Variants in CELSR2 observed in about 807,000 individuals in gnomAD.
CELSR2 encodes the protein cadherin EGF LAG seven-pass G-type receptor 2, also known as EGF-like protein 2.
Under a neutral mutation model 251.6 loss-of-function variants are expected in CELSR2, and 81 were observed. The ratio of observed to expected loss-of-function variants is 0.32; its 90% confidence interval spans 0.27 to 0.39. CELSR2 has a LOEUF of 0.39. Among genes scored for constraint, CELSR2 ranks in the 10% least tolerant of loss-of-function variants. The pLI, the probability that CELSR2 is intolerant of heterozygous loss-of-function variation, is 1.00. For synonymous variants in CELSR2, 1,721 were observed against 1,670.5 expected, an observed-to-expected ratio of 1.03 and a Z score of -0.74; for missense variants, 3,365 against 3,947.7, an observed-to-expected ratio of 0.85 and a Z score of 3.96.
At position 109,262,862 on chromosome 1, in the gene CELSR2, G is replaced by A. The variant is rs759739883; in HGVS notation, c.4601G>A (p.Ser1534Asn). The A allele has an allele frequency of 9.3e-6, 15 of 1,613,688 alleles. No homozygotes were observed. The African/African-American group carries it at 1.7e-4, about 19-fold the overall frequency. Reference protein sequence around the residue: ...LLGGVPDLPESFPVRMRQFVG... With the variant: ...LLGGVPDLPENFPVRMRQFVG... ...GGCGGGGTGCCTGACCTGCCCGAGAGCTTCCCAGTCCGAATGCGGCAGTTC... is the reference window on the plus strand; with the variant it reads ...GGCGGGGTGCCTGACCTGCCCGAGAACTTCCCAGTCCGAATGCGGCAGTTC... The change falls in exon 7 of 34, where the codon AGC (serine) becomes AAC (asparagine). Residue 1534 changes from serine (S) to asparagine (N), a missense_variant. Around this residue, in one of 5 missense-constraint regions of CELSR2, gnomAD observed 2,093 missense variants for 2,382.8 expected, o/e 0.88. Transcript: ENST00000271332.
At chr1:109,265,605 T>C (rs967389337) in intron 13 of CELSR2, 130 bp from the exon 14 acceptor site, 25 of 1,138,980 alleles carry the variant, frequency 2.2e-5, no homozygotes, top group Non-Finnish European at 3.1e-5. Context: ...TAGTGTTAAT[T>C]ATTTTGAATA....
intron 2 of CELSR2, among the ~76,000 whole-genome samples, chr1:109,259,892 C>T (rs1051385132): frequency 9.9e-5 from 15 of 152,150 alleles, no homozygotes; most frequent in Non-Finnish European, 1.8e-4. Context: ...CTCTATGCTC[C>T]TGACCCCTCC....
chr1:109,272,544 A>AC lies in CELSR2; in HGVS notation c.8055-93dup. On this transcript the variant is annotated intron_variant, in intron 29 of 33. Coordinates refer to ENST00000271332, the MANE Select transcript of CELSR2 (RefSeq NM_001408.3). ...CAGCTTGGATTAGAAGCTGTAAGGG[A>AC]CCCACAGCAGGAACCAGGATCCCAG... 3 of 1,484,982 alleles carry AC rather than the reference A, an allele frequency of 2.0e-6. No individual in the cohort carries two copies. The African/African-American group carries it at 4.2e-5, about 21-fold the overall frequency. The allele number at this position is 1,484,982 out of a possible 1,614,324, so 92.0% of individuals were successfully genotyped here. A position where few individuals can be genotyped will look rare whatever the true frequency, so the allele number is the denominator to read the frequency against.
In CELSR2 at chr1:109,250,560, A is replaced by G. The variant is rs113409073; in HGVS notation, c.481A>G (p.Arg161Gly). Residue 161 changes from arginine to glycine, a missense_variant, in exon 1 of 34, where the codon AGG becomes GGG. Coordinates refer to ENST00000271332, the MANE Select transcript of CELSR2 (RefSeq NM_001408.3). This position sits in a 1 kb window ranked among gnomAD's most constrained non-coding sequence, Gnocchi z 4.4. Reference protein sequence around the residue: ...AQAPGLRAGERSPEESLGGRR... With the variant: ...AQAPGLRAGEGSPEESLGGRR... ...GGCCCCCGGGCTCAGGGCAGGGGAAAGGTCACCAGAAGAGTCCCTGGGTGG... is the reference window on the plus strand; with the variant it reads ...GGCCCCCGGGCTCAGGGCAGGGGAAGGGTCACCAGAAGAGTCCCTGGGTGG... 38 of 1,613,902 alleles carry G rather than the reference A, an allele frequency of 2.4e-5. No individual in the cohort carries two copies. Among genetic ancestry groups the G allele is most frequent in the Non-Finnish European group, 3.1e-5 (36 of 1,180,018 alleles).
rs143261722 is a variant in CELSR2 at position 109,262,908 on chromosome 1, G to T, written c.4647G>T (p.Leu1549=). The change falls in exon 7 of 34, where the codon CTG becomes CTT. Residue 1549 remains leucine, a synonymous_variant. Coordinates refer to ENST00000271332, the MANE Select transcript of CELSR2 (RefSeq NM_001408.3). Reference sequence around the variant, plus strand: ...AGTTCGTGGGCTGCATGCGGAACCTGCAGGTGGACAGCCGGCACATAGACA... The same window carrying T: ...AGTTCGTGGGCTGCATGCGGAACCTTCAGGTGGACAGCCGGCACATAGACA... ...MRQFVGCMRN[L]QVDSRHIDMA... is the part of the protein sequence containing the mutation. The T allele has an allele frequency of 1.3e-4, 209 of 1,613,726 alleles. 1 individual carries two copies. In the African/African-American group the frequency reaches 2.5e-3, roughly 19 times the overall value.
Position 109,252,034 on chromosome 1 carries a change from C to T in CELSR2, c.1955C>T (p.Thr652Ile), listed in dbSNP as rs758077495. Residue 652 changes from threonine (T) to isoleucine (I), a missense_variant, in exon 1 of 34, where the codon ACT becomes ATT. By Grantham distance (89) the Thr-to-Ile change is moderately conservative. This residue lies in a region of CELSR2 where 60 missense variants were observed against 104.8 expected (regional missense o/e 0.57). Transcript: ENST00000271332. The surrounding 1 kb of genome is among the most constrained non-coding windows in gnomAD (Gnocchi z 4.8). ...VITYQITSGNTRNRFSITSQS... is the reference protein window; with the variant it reads ...VITYQITSGNIRNRFSITSQS... ...ACCTACCAGATCACCAGTGGCAATA[C>T]TCGAAACCGCTTCTCCATCACCAGC... 8.0e-5 allele frequency: 129 copies of T among 1,614,008 alleles called. No individual in the cohort carries two copies. The highest frequency in any genetic ancestry group is 9.6e-5 in the Non-Finnish European group (113 of 1,180,042).
chr1:109,273,692 G>GTT, intron 33 of CELSR2, 22 bp downstream of exon 33: 1 of 1,391,320 alleles, frequency 7.2e-7, no homozygotes, highest in Non-Finnish European at 9.6e-7. Context: ...CGGGTGGGCG[G>GTT]GACGGGGTGC....
rs1656289796 is a variant in CELSR2, at chr1:109,269,094, C to G, written c.6632-16C>G. 6.3e-7 allele frequency: 1 copy of G among 1,597,930 alleles called. No individual in the cohort carries two copies. Among genetic ancestry groups the G allele is most frequent in the African/African-American group, 1.3e-5 (1 of 74,496 alleles). ...GAGAGCAGGGCCCAGCTAAGTGTGA[C>G]AGTGTCCCCTCCCAGAGACGCCCCC... is the stretch of plus-strand genomic sequence containing the variant. On this transcript the variant is annotated splice_polypyrimidine_tract_variant and intron_variant, in intron 19 of 33. Transcript: ENST00000271332. This position sits in a 1 kb window ranked among gnomAD's most constrained non-coding sequence, Gnocchi z 6.4.
intron 2 of CELSR2, among the ~76,000 whole-genome samples, chr1:109,259,586 G>A (rs936178640): frequency 1.3e-5 from 2 of 152,304 alleles, no homozygotes; most frequent in Admixed American, 6.5e-5. Flanking sequence ...TTAGAGGTGA[G>A]GCTGGGCCTA....
Position 109,250,779 on chromosome 1 carries a change from C to T in CELSR2, c.700C>T (p.Leu234=). Residue 234 remains leucine (L), a synonymous_variant, in exon 1 of 34, where the codon CTG becomes TTG. Coordinates refer to ENST00000271332, the MANE Select transcript of CELSR2 (RefSeq NM_001408.3). The surrounding 1 kb of genome is among the most constrained non-coding windows in gnomAD (Gnocchi z 4.4). ...FDSRSNQFFS[L]DPVTGAVTTA... ...TAGCCGCTCCAACCAGTTCTTCTCC[C>T]TGGACCCAGTCACTGGTGCAGTAAC... The T allele has an allele frequency of 6.2e-7, 1 of 1,614,150 alleles. No homozygotes were observed. The highest frequency in any genetic ancestry group is 8.5e-7 in the Non-Finnish European group (1 of 1,180,030).
Position 109,252,622 on chromosome 1 carries a change from G to T in CELSR2, c.2543G>T (p.Gly848Val). 1.2e-6 allele frequency: 2 copies of T among 1,613,838 alleles called. No homozygotes were observed. Among genetic ancestry groups the T allele is most frequent in the South Asian group, 1.1e-5 (1 of 91,086 alleles). The change falls in exon 1 of 34, where the codon GGC (glycine) becomes GTC (valine). Residue 848 changes from glycine (G) to valine (V), a missense_variant. Coordinates refer to ENST00000271332, the MANE Select transcript of CELSR2 (RefSeq NM_001408.3). This position sits in a 1 kb window ranked among gnomAD's most constrained non-coding sequence, Gnocchi z 4.8. Reference sequence around the variant, plus strand: ...ACTGATCGTGATTCTGGACTTAATGGCAGGGTCTTCTACACCTTCCAAGGA... The same window carrying T: ...ACTGATCGTGATTCTGGACTTAATGTCAGGGTCTTCTACACCTTCCAAGGA... ...SATDRDSGLN[G>V]RVFYTFQGGD...
chr1:109,273,465 A>G lies in CELSR2; in HGVS notation c.8539A>G (p.Ile2847Val). ...GILKKKCLPT[I>V]SEKSSLLRLP... Reference sequence around the variant, plus strand: ...CCTTAAGAAGAAGTGTCTGCCCACCATCAGCGAGAAGAGCAGCCTCCTGCG... The same window carrying G: ...CCTTAAGAAGAAGTGTCTGCCCACCGTCAGCGAGAAGAGCAGCCTCCTGCG... Residue 2847 changes from isoleucine to valine, a missense_variant, in exon 33 of 34, where the codon ATC becomes GTC. Ile to Val is a conservative substitution (Grantham distance 29). Transcript: ENST00000271332. 1 of 1,612,430 alleles carries G rather than the reference A, an allele frequency of 6.2e-7. No individual in the cohort carries two copies. The highest frequency in any genetic ancestry group is 8.5e-7 in the Non-Finnish European group (1 of 1,179,504).
In CELSR2 at chr1:109,272,429, G is replaced by A. The variant is rs771468743; in HGVS notation, c.8054+24G>A. The A allele has an allele frequency of 1.9e-6, 3 of 1,590,012 alleles. No individual in the cohort carries two copies. In the Admixed American group the frequency reaches 5.1e-5, roughly 27 times the overall value. On this transcript the variant is annotated intron_variant, in intron 29 of 33. Transcript: ENST00000271332. ...AGGTGAATCCCGGAGATGGGAGGGT[G>A]GAGGAGGGGAGGAGGGGCCCACGCA...
Position 109,251,562 on chromosome 1 carries a change from G to C in CELSR2, c.1483G>C (p.Val495Leu). ...TGTCTCTGGCTTGGTGACAGTACAGGTCCTGGATATCAACGACAATGCCCC... is the reference window on the plus strand; with the variant it reads ...TGTCTCTGGCTTGGTGACAGTACAGCTCCTGGATATCAACGACAATGCCCC... ...SNVSGLVTVQVLDINDNAPIF... is the reference protein window; with the variant it reads ...SNVSGLVTVQLLDINDNAPIF... The change falls in exon 1 of 34, where the codon GTC (valine) becomes CTC (leucine). Residue 495 changes from valine (V) to leucine (L), a missense_variant. Val to Leu is a conservative substitution (Grantham distance 32, BLOSUM62 1). Transcript: ENST00000271332. The surrounding 1 kb of genome is among the most constrained non-coding windows in gnomAD (Gnocchi z 4.9). 6.2e-7 allele frequency: 1 copy of C among 1,613,722 alleles called. No individual in the cohort carries two copies. The highest frequency in any genetic ancestry group is 1.1e-5 in the South Asian group (1 of 91,078).
Position 109,250,881 on chromosome 1 carries a change from C to T in CELSR2, c.802C>T (p.Arg268Ter). 6.2e-7 allele frequency: 1 copy of T among 1,613,996 alleles called. No individual in the cohort carries two copies. Residue 268 changes from arginine to a stop codon, truncating the protein, a stop_gained, in exon 1 of 34, where the codon CGA becomes TGA. Transcript: ENST00000271332. LOFTEE classifies it high-confidence loss of function. This position sits in a 1 kb window ranked among gnomAD's most constrained non-coding sequence, Gnocchi z 4.4. ...CACGGCGCAGGACCACGGCATGCCC[C>T]GACGAAGTGCCCTGGCTACACTCAC... is the stretch of plus-strand genomic sequence containing the variant. ...RVTAQDHGMP[R>*]RSALATLTIL...
rs1401966116 is a variant in CELSR2 at position 109,249,810 on chromosome 1, C to T, written c.-270C>T. Among the ~76,000 whole-genome samples, 3 of 149,936 alleles carry T rather than the reference C, an allele frequency of 2.0e-5. No individual in the cohort carries two copies. Among genetic ancestry groups the T allele is most frequent in the African/African-American group, 7.3e-5 (3 of 41,184 alleles). ...GCCCCCGGGCGCAGGTGGTGAGTGC[C>T]CGGAGCGCAGGTGGAGGCGCGGCGG... On this transcript the variant is annotated 5_prime_UTR_variant, in exon 1 of 34. Coordinates refer to ENST00000271332, the MANE Select transcript of CELSR2 (RefSeq NM_001408.3).
Position 109,264,289 on chromosome 1 carries a change from A to T in CELSR2, c.5213A>T (p.His1738Leu). 1 of 1,613,954 alleles carries T rather than the reference A, an allele frequency of 6.2e-7. No individual in the cohort carries two copies. Residue 1738 changes from histidine to leucine, a missense_variant, in exon 10 of 34, where the codon CAC (histidine) becomes CTC (leucine). His to Leu is a moderately conservative substitution (Grantham distance 99). This residue lies in a region of CELSR2 where 2,093 missense variants were observed against 2,382.8 expected (regional missense o/e 0.88). Coordinates refer to ENST00000271332, the MANE Select transcript of CELSR2 (RefSeq NM_001408.3). ...GNLGPRLHGLHLSNITVGGIP... is the reference protein window; with the variant it reads ...GNLGPRLHGLLLSNITVGGIP... ...CTGGGCCCCCGGCTGCATGGTCTGC[A>T]CCTGAGCAACATAACAGTGGGCGGA...
rs1422269608 is a variant in CELSR2 at position 109,249,789 on chromosome 1, C to T, written c.-291C>T. Among the ~76,000 whole-genome samples the T allele has an allele frequency of 2.0e-5, 3 of 149,720 alleles. No individual in the cohort carries two copies. The highest frequency in any genetic ancestry group is 3.0e-5 in the Non-Finnish European group (2 of 67,106). Reference sequence around the variant, plus strand: ...CAAGGCCAGGGGCGCCGCGGGGCCCCCGGGCGCAGGTGGTGAGTGCCCGGA... The same window carrying T: ...CAAGGCCAGGGGCGCCGCGGGGCCCTCGGGCGCAGGTGGTGAGTGCCCGGA... On this transcript the variant is annotated 5_prime_UTR_variant, in exon 1 of 34. Coordinates refer to ENST00000271332, the MANE Select transcript of CELSR2 (RefSeq NM_001408.3).
intron 8 of CELSR2, 96 bp from the exon 9 acceptor site, chr1:109,263,515 G>A (rs549081265): frequency 1.3e-6 from 2 of 1,515,932 alleles, no homozygotes; most frequent in African/African-American, 1.4e-5. Flanking sequence ...AGGGGAGTGG[G>A]CTCTGCCTCC....
Sources: gnomAD v4.1 joint callset for allele counts (sites outside exome capture counted in the v4.1 genomes callset) on GRCh38, gnomAD v4.1.1 for gene constraint, gnomAD v4.1.1 regional missense constraint, Gnocchi (gnomAD v3.1) non-coding constraint, MANE v1.5 for transcripts, NCBI Gene and HGNC (gene_info 2026-07-23, HGNC 2026-07-21) for gene names.